HPD: variants seen among roughly 807,000 people sequenced by gnomAD.
The protein encoded by HPD is 4-hydroxyphenylpyruvic acid oxidase.
HPD carries 35 observed loss-of-function variants against 56.9 expected under a neutral mutation model. The ratio of observed to expected loss-of-function variants is 0.62; its 90% CI spans 0.47 to 0.82. The LOEUF is 0.82. Among genes scored for constraint, HPD ranks in the 40% least tolerant of loss-of-function variants. HPD has a pLI of 0.00. For missense variants in HPD, 442 were observed against 506.8 expected (o/e 0.87, Z 1.23); for synonymous variants, 186 against 200.2 (o/e 0.93, Z 0.60).
At chr12:121,865,571 G>A (rs1162771042), upstream of HPD, among the ~76,000 whole-genome samples, 3 of 141,760 alleles carry the variant, frequency 2.1e-5, no homozygotes, top group African/African-American at 5.3e-5. Context: ...GCCCAGCCAC[G>A]ACACTCTCTT....
upstream of HPD, among the ~76,000 whole-genome samples, chr12:121,865,233 A>C (rs1437692599): frequency 1.3e-5 from 2 of 151,318 alleles, no homozygotes; most frequent in East Asian, 2.0e-4. Flanking sequence ...ATGCCAGTGC[A>C]CTCTAACCTG....
At chr12:121,844,606 G>A (rs921332095) in intron 11 of HPD, among the ~76,000 whole-genome samples, 7 of 151,726 alleles carry the variant, frequency 4.6e-5, no homozygotes, top group East Asian at 2.0e-4. Flanking sequence ...AAAAAAGGCC[G>A]GGCGAGGTGG....
At chr12:121,866,961 C>A (rs1878343943), upstream of HPD, among the ~76,000 whole-genome samples, 1 of 152,126 alleles carries the variant, frequency 6.6e-6, no homozygotes, top group East Asian at 1.9e-4. Flanking sequence ...AACCACTGAT[C>A]TATTTTCTTT....
chr12:121,862,099 G>A (rs1347497691), upstream of HPD, among the ~76,000 whole-genome samples: 1 of 152,122 alleles, frequency 6.6e-6, no homozygotes, highest in Non-Finnish European at 1.5e-5. Context: ...CTAAAAAAAT[G>A]GGCAAAATTG....
rs1877347324 is a variant in HPD at position 121,839,848 on chromosome 12, G to A, written c.1072-10C>T. ...TGCCGGCTCCAAAACCCTGTGGCGG[G>A]AAAGAGAGGAGATGAGCCAAGGACC... On this transcript the variant is annotated splice_polypyrimidine_tract_variant and intron_variant, in intron 13 of 13. Coordinates refer to ENST00000289004, the MANE Select transcript of HPD (RefSeq NM_002150.3). 1 of 1,613,386 alleles carries A rather than the reference G, an allele frequency of 6.2e-7. No homozygotes were observed. Among genetic ancestry groups the A allele is most frequent in the Non-Finnish European group, 8.5e-7 (1 of 1,179,296 alleles).
chr12:121,853,941 G>C (rs1407657465), intron 7 of HPD, among the ~76,000 whole-genome samples: 1 of 116,820 alleles, frequency 8.6e-6, no homozygotes, highest in Non-Finnish European at 1.8e-5. Flanking sequence ...TCTGAAAAAA[G>C]AAAAAAGAAT....
chr12:121,849,677 G>A lies in HPD; in HGVS notation c.518+10C>T, dbSNP rs1276853702. 2 of 1,580,826 alleles carry A rather than the reference G, an allele frequency of 1.3e-6. No homozygotes were observed. The highest frequency in any genetic ancestry group is 1.1e-5 in the South Asian group (1 of 90,472). ...GCTTTCCACCCACCTCTGCCCTGAG[G>A]GACACTCACAGTTTAGGAAGTAGGG... is the stretch of plus-strand genomic sequence containing the variant. On this transcript the variant is annotated intron_variant, in intron 8 of 13. Coordinates refer to ENST00000289004, the MANE Select transcript of HPD (RefSeq NM_002150.3).
chr12:121,866,170 A>G (rs529293913), upstream of HPD, among the ~76,000 whole-genome samples: 6 of 151,564 alleles, frequency 4.0e-5, no homozygotes, highest in South Asian at 1.0e-3. Flanking sequence ...GCATGGTGGC[A>G]GGCGCCTGTA....
intron 7 of HPD, among the ~76,000 whole-genome samples, chr12:121,850,426 C>CA (rs138176126): frequency 0.33 from 45,274 of 137,368 alleles, 8,841 homozygotes; most frequent in East Asian, 0.6. Flanking sequence ...GACTCCGTCT[C>CA]AAAAAAAAAA....
chr12:121,865,516 G>T (rs531730505), upstream of HPD, among the ~76,000 whole-genome samples: 1 of 148,546 alleles, frequency 6.7e-6, no homozygotes, highest in South Asian at 2.1e-4. Flanking sequence ...TGATCTGTCC[G>T]CCTTGGCCTC....
chr12:121,843,588 A>G (rs1877475432), intron 12 of HPD, 122 bp downstream of exon 12: 1 of 1,108,432 alleles, frequency 9.0e-7, no homozygotes, highest in Admixed American at 1.9e-5. Flanking sequence ...CCTAGAATAA[A>G]TGTCCTTTGC....
chr12:121,876,100 C>G, the HPD span, among the ~76,000 whole-genome samples: 5 of 152,122 alleles, frequency 3.3e-5, no homozygotes, highest in African/African-American at 1.2e-4. Flanking sequence ...CACCTGAGGT[C>G]AGGAGTTTCA....
upstream of HPD, among the ~76,000 whole-genome samples, chr12:121,864,476 C>T (rs552267306): frequency 4.0e-5 from 6 of 151,314 alleles, no homozygotes; most frequent in African/African-American, 1.5e-4. Context: ...TCTCTTGAGC[C>T]CAGGAGCTTA....
At chr12:121,842,741 C>CTTTTTTTTTTTTTTTTTTTTTTTTT (rs34879391) in intron 12 of HPD, among the ~76,000 whole-genome samples, 1 of 76,246 alleles carries the variant, frequency 1.3e-5, no homozygotes, top group African/African-American at 5.1e-5. Flanking sequence ...TAAAATGGAT[C>CTTTTTTTTTTTTTTTTTTTTTTTTT]TTTTTTTTTT....
chr12:121,849,853 A>G (rs2137619636), intron 7 of HPD, 63 bp from the exon 8 acceptor site: 1 of 1,078,016 alleles, frequency 9.3e-7, no homozygotes, highest in Non-Finnish European at 1.4e-6. Flanking sequence ...GACAGAGCAC[A>G]TTTCATAGCG....
At chr12:121,861,356 C>G (rs1456967650), upstream of HPD, among the ~76,000 whole-genome samples, 1 of 149,546 alleles carries the variant, frequency 6.7e-6, no homozygotes, top group Non-Finnish European at 1.5e-5. Context: ...AAAAAATTAG[C>G]TGGGTGTGGT....
intron 7 of HPD, among the ~76,000 whole-genome samples, chr12:121,853,523 G>A (rs1877881097): frequency 6.6e-6 from 1 of 151,666 alleles, no homozygotes; most frequent in Admixed American, 6.6e-5. Flanking sequence ...TCGGGAGGCT[G>A]AGGCAGGAGA....
rs1446798072 is a variant in HPD at position 121,857,744 on chromosome 12, C to T, written c.93+13G>A. 1 of 1,612,092 alleles carries T rather than the reference C, an allele frequency of 6.2e-7. No homozygotes were observed. The highest frequency in any genetic ancestry group is 1.7e-5 in the Admixed American group (1 of 60,012). Reference sequence around the variant, plus strand: ...GCCGTCTGCTCACTCCAGCACCTTGCCCCGGCTTCTACCTGCTTGGCGTTG... The same window carrying T: ...GCCGTCTGCTCACTCCAGCACCTTGTCCCGGCTTCTACCTGCTTGGCGTTG... On this transcript the variant is annotated intron_variant, in intron 3 of 13. Coordinates refer to ENST00000289004, the MANE Select transcript of HPD (RefSeq NM_002150.3).
At chr12:121,850,693 T>TG (rs1877740768) in intron 7 of HPD, among the ~76,000 whole-genome samples, 1 of 47,750 alleles carries the variant, frequency 2.1e-5, no homozygotes, top group Non-Finnish European at 4.7e-5. Context: ...GTACCTAGCC[T>TG]TTTTTTTTTT....
Sources: gnomAD v4.1 joint callset for allele counts (sites outside exome capture counted in the v4.1 genomes callset) on GRCh38, gnomAD v4.1.1 for gene constraint, MANE v1.5 for transcripts, NCBI Gene and HGNC (gene_info 2026-07-23, HGNC 2026-07-21) for gene names.